Variants in SPINK5 observed in about 807,000 individuals in gnomAD.
The protein encoded by SPINK5 is serine protease inhibitor Kazal-type 5.
A neutral mutation model predicts 151.8 loss-of-function variants in SPINK5; 125 were observed. The ratio of observed to expected loss-of-function variants is 0.82; its 90% CI spans 0.71 to 0.96. The LOEUF (loss-of-function observed/expected upper bound fraction) is 0.96. Ranked by LOEUF, SPINK5 falls within the 40% of genes least tolerant of loss-of-function variation. The pLI is 0.00. For synonymous variants in SPINK5, 374 were observed against 395.3 expected, an observed-to-expected ratio of 0.95 and a Z score of 0.64; for missense variants, 1,194 against 1,291.9, an observed-to-expected ratio of 0.92 and a Z score of 1.16.
At chr5:148,110,789 T>G (rs1753905026) in intron 18 of SPINK5, among the ~76,000 whole-genome samples, 1 of 151,694 alleles carries the variant, frequency 6.6e-6, no homozygotes, top group Admixed American at 6.6e-5. Flanking sequence ...AGCCCCCTCA[T>G]GCAAATATCT....
intron 30 of SPINK5, among the ~76,000 whole-genome samples, chr5:148,130,164 T>C (rs7728739): frequency 0.8 from 121,442 of 151,762 alleles, 48,733 homozygotes; most frequent in East Asian, 0.91. Context: ...TTAGAACCTC[T>C]TTCTTTTCTA....
At chr5:148,125,458 G>A in intron 28 of SPINK5, 5 of 1,429,302 alleles carry the variant, frequency 3.5e-6, no homozygotes, top group Non-Finnish European at 4.9e-6. Flanking sequence ...AGGAAGGATG[G>A]ATGAACGGGA....
intron 4 of SPINK5, among the ~76,000 whole-genome samples, chr5:148,079,048 A>C (rs1045665116): frequency 2.6e-5 from 4 of 151,090 alleles, no homozygotes; most frequent in African/African-American, 9.7e-5. Flanking sequence ...TCAAGAAAAG[A>C]ACAGAAGACA....
intron 15 of SPINK5, 45 bp from the exon 16 acceptor site, chr5:148,104,907 A>C: frequency 6.3e-7 from 1 of 1,587,512 alleles, no homozygotes; most frequent in Non-Finnish European, 8.6e-7. Context: ...AAAAAGAAAA[A>C]AAAAAATCCA....
chr5:148,065,634 TA>T (rs1429075758), intron 2 of SPINK5, among the ~76,000 whole-genome samples: 3 of 152,148 alleles, frequency 2.0e-5, no homozygotes, highest in African/African-American at 7.2e-5. Flanking sequence ...AGGAGCATTT[TA>T]AAATTTCATA....
chr5:148,089,910 A>C (rs1316479383), intron 7 of SPINK5, among the ~76,000 whole-genome samples: 2 of 151,880 alleles, frequency 1.3e-5, no homozygotes, highest in East Asian at 3.9e-4. Context: ...AAGGCACAAT[A>C]TTTTAAAATT....
intron 18 of SPINK5, among the ~76,000 whole-genome samples, chr5:148,110,852 AT>A (rs1351177423): frequency 6.1e-4 from 92 of 150,836 alleles, no homozygotes; most frequent in African/African-American, 2.1e-3. Context: ...TATCTAATGC[AT>A]GAGGGGGCTA....
chr5:148,136,942 C>A (rs751102924), intron 32 of SPINK5, 41 bp from the exon 33 acceptor site: 1 of 1,613,072 alleles, frequency 6.2e-7, no homozygotes, highest in Non-Finnish European at 8.5e-7. Flanking sequence ...TCTGCAATAT[C>A]TCTGGGTTCT....
chr5:148,132,459 A>G (rs1754599157), intron 31 of SPINK5, among the ~76,000 whole-genome samples: 1 of 152,284 alleles, frequency 6.6e-6, no homozygotes, highest in Non-Finnish European at 1.5e-5. Flanking sequence ...ATGGTATGGT[A>G]GGTATACTTC....
At chr5:148,097,504 T>G (rs947030237) in intron 10 of SPINK5, among the ~76,000 whole-genome samples, 1 of 152,044 alleles carries the variant, frequency 6.6e-6, no homozygotes, top group African/African-American at 2.4e-5. Flanking sequence ...AAGATAGAAC[T>G]TAGACATAAG....
chr5:148,091,311 A>G, intron 8 of SPINK5, 83 bp downstream of exon 8: 1 of 1,121,818 alleles, frequency 8.9e-7, no homozygotes. Flanking sequence ...GTAATGAAAT[A>G]AAGTCATTGT....
chr5:148,090,084 G>A (rs749241744), intron 7 of SPINK5, among the ~76,000 whole-genome samples: 2 of 151,784 alleles, frequency 1.3e-5, no homozygotes, highest in Admixed American at 6.6e-5. Context: ...AAAGTGGAAC[G>A]CGGATCATTA....
chr5:148,115,759 C>T (rs1172473332), intron 21 of SPINK5, among the ~76,000 whole-genome samples: 1 of 151,162 alleles, frequency 6.6e-6, no homozygotes, highest in East Asian at 1.9e-4. Context: ...TAGGTATTGG[C>T]GATAAACACA....
At chr5:148,105,716 A>C (rs1251607626) in intron 16 of SPINK5, among the ~76,000 whole-genome samples, 1 of 151,840 alleles carries the variant, frequency 6.6e-6, no homozygotes, top group Non-Finnish European at 1.5e-5. Context: ...GCCCGGGTTC[A>C]AGTGATTCTC....
At chr5:148,115,863 C>A (rs1754073340) in intron 21 of SPINK5, among the ~76,000 whole-genome samples, 1 of 149,694 alleles carries the variant, frequency 6.7e-6, no homozygotes, top group South Asian at 2.1e-4. Context: ...ACTCTGTCGT[C>A]CACACTGAAG....
intron 7 of SPINK5, 38 bp from the exon 8 acceptor site, chr5:148,091,127 G>A (rs1354958264): frequency 6.4e-7 from 1 of 1,556,972 alleles, no homozygotes; most frequent in Non-Finnish European, 8.8e-7. Context: ...AAATATGATT[G>A]AGTCATAAAC....
At position 148,108,807 on chromosome 5, in the gene SPINK5, G is replaced by C; in HGVS notation, c.1662G>C (p.Glu554Asp). 6.2e-7 allele frequency: 1 copy of C among 1,612,274 alleles called. No homozygotes were observed. The highest frequency in any genetic ancestry group is 1.3e-5 in the African/African-American group (1 of 74,942). Residue 554 changes from glutamate (E) to aspartate (D), a missense_variant, in exon 18 of 33, where the codon GAG becomes GAC. By Grantham distance (45) the Glu-to-Asp change is conservative (BLOSUM62 2). Coordinates refer to ENST00000256084, the MANE Select transcript of SPINK5 (RefSeq NM_006846.4). ...KNDKEEKGKV[E>D]AEKVKREAVQ... is the part of the protein sequence containing the mutation. ...ATAAAGAAGAAAAAGGGAAAGTCGA[G>C]GCTGAAAAAGTTAAGAGAGAAGCAG...
chr5:148,134,706 T>C (rs1264720054), intron 32 of SPINK5, among the ~76,000 whole-genome samples: 2 of 152,166 alleles, frequency 1.3e-5, no homozygotes, highest in African/African-American at 4.8e-5. Context: ...TAACAGACCA[T>C]GGTATAGTGC....
chr5:148,099,369 T>C lies in SPINK5; in HGVS notation c.1092+54T>C, dbSNP rs1753571515. On this transcript the variant is annotated intron_variant, in intron 12 of 32. Transcript: ENST00000256084. ...TTTGGTGCTATAATTTGAACAAATT[T>C]TAAGAGCCTAAAGGGTGAGATTTTG... 3 of 1,517,560 alleles carry C rather than the reference T, an allele frequency of 2.0e-6. No homozygotes were observed. In the East Asian group the frequency reaches 6.8e-5, roughly 35 times the overall value. 94.0% of individuals were successfully genotyped at this position (1,517,560 alleles called of 1,614,324 possible). A position where few individuals can be genotyped will look rare whatever the true frequency, so the allele number is the denominator to read the frequency against.
Sources: allele counts gnomAD v4.1 joint callset (sites outside exome capture counted in the v4.1 genomes callset), GRCh38; gene constraint gnomAD v4.1.1; transcripts MANE v1.5; gene names NCBI Gene and HGNC (gene_info 2026-07-23, HGNC 2026-07-21).